The following PIR variants were observed in gnomAD, a reference collection of about 807,000 sequenced individuals.
The protein encoded by PIR is pirin (iron-binding nuclear protein).
In PIR, 22 loss-of-function variants were observed where a neutral mutation model predicts 24.2. The ratio of observed to expected loss-of-function variants is 0.91; its 90% CI spans 0.65 to 1.30. The LOEUF is 1.30. Ranked by LOEUF, PIR falls within the 50% of genes most tolerant of loss-of-function variation. The probability of loss-of-function intolerance (pLI) is 0.00; values close to 1 mark genes in which losing one functional copy is unlikely to be tolerated. For synonymous variants in PIR, 80 were observed against 79.6 expected (o/e 1.00, Z -0.03); for missense variants, 220 against 220.3 (o/e 1.00, Z 0.01).
chrX:15,473,211 T>C (rs1298512578), intron 3 of PIR, among the ~76,000 whole-genome samples: 8 of 111,957 alleles, frequency 7.1e-5, no homozygotes, highest in South Asian at 7.5e-4. Context: ...CAGAGGACAG[T>C]TGACAATGTC....
chrX:15,416,292 G>C (rs768973171), intron 6 of PIR, among the ~76,000 whole-genome samples: 1 of 111,631 alleles, frequency 9.0e-6, no homozygotes, highest in African/African-American at 3.3e-5. Context: ...GAATTAAATC[G>C]GCTTTTGCGT....
chrX:15,479,347 CTT>C (rs200727380), intron 3 of PIR, among the ~76,000 whole-genome samples: 1 of 98,962 alleles, frequency 1.0e-5, no homozygotes. Flanking sequence ...TTTTTTCTTT[CTT>C]TTTTTTTTTT....
chrX:15,451,703 T>G (rs1183228358), intron 5 of PIR, among the ~76,000 whole-genome samples: 1 of 112,393 alleles, frequency 8.9e-6, no homozygotes, highest in Non-Finnish European at 1.9e-5. Flanking sequence ...CACAGTGGTA[T>G]GATCTGAGTG....
chrX:15,478,086 AT>A (rs1208749248), intron 3 of PIR, among the ~76,000 whole-genome samples: 10 of 106,439 alleles, frequency 9.4e-5, no homozygotes, highest in African/African-American at 3.4e-4. Flanking sequence ...TTTATTTAAT[AT>A]ATTCATTGTC....
At chrX:15,460,123 G>A (rs1021098060) in intron 3 of PIR, among the ~76,000 whole-genome samples, 7 of 111,537 alleles carry the variant, frequency 6.3e-5, no homozygotes, top group Non-Finnish European at 1.1e-4. Flanking sequence ...GGAGAAAAGG[G>A]AATCCTTATA....
intron 5 of PIR, among the ~76,000 whole-genome samples, chrX:15,431,396 A>C (rs777861599): frequency 1.2e-4 from 13 of 112,053 alleles, no homozygotes; most frequent in African/African-American, 3.6e-4. Flanking sequence ...GCCAAAAGCA[A>C]ATTGTTCAAC....
intron 9 of PIR, among the ~76,000 whole-genome samples, chrX:15,387,329 T>G: frequency 9.1e-6 from 1 of 109,309 alleles, no homozygotes; most frequent in East Asian, 2.9e-4. Context: ...ACTCCTGACC[T>G]CAAGTGATCT....
intron 3 of PIR, among the ~76,000 whole-genome samples, chrX:15,471,387 T>C (rs73193790): frequency 1.1e-4 from 12 of 112,108 alleles, no homozygotes; most frequent in Non-Finnish European, 2.1e-4. Context: ...AGGCTAAAGA[T>C]GGTTTTATTT....
intron 8 of PIR, among the ~76,000 whole-genome samples, chrX:15,394,823 A>G (rs1008977994): frequency 8.9e-6 from 1 of 112,239 alleles, no homozygotes; most frequent in Non-Finnish European, 1.9e-5. Flanking sequence ...AAGATGGAAC[A>G]GGGAAACCTG....
chrX:15,413,757 A>G (rs1294880606), intron 6 of PIR, among the ~76,000 whole-genome samples: 1 of 112,411 alleles, frequency 8.9e-6, no homozygotes, highest in East Asian at 2.8e-4. Context: ...TATACACATC[A>G]AAACACTTGA....
chrX:15,429,227 C>A (rs1925420203), intron 5 of PIR: 1 of 111,999 alleles, frequency 8.9e-6, no homozygotes, highest in African/African-American at 3.3e-5. Flanking sequence ...ACTACACAGG[C>A]ACAAGCACAC....
Position 15,488,321 on chromosome X carries a change from A to T in PIR, c.96+2841T>A, listed in dbSNP as rs530977459. Among the ~76,000 whole-genome samples the T allele has an allele frequency of 2.6e-4, 25 of 95,221 alleles. No individual in the cohort carries two copies. The South Asian group carries it at 0.01, about 38-fold the overall frequency. 82.7% of individuals were successfully genotyped at this position (95,221 alleles called of 115,157 possible). ...AAAAAGAAAAGAAAGAAAAAGAAAA[A>T]GAAAGAAAAGTAATCTCTTGATGTT... On this transcript the variant is annotated intron_variant, in intron 2 of 9. Coordinates refer to ENST00000380420, the MANE Select transcript of PIR (RefSeq NM_001018109.3).
intron 7 of PIR, among the ~76,000 whole-genome samples, chrX:15,405,086 T>G (rs1924513781): frequency 9.0e-6 from 1 of 111,532 alleles, no homozygotes; most frequent in Non-Finnish European, 1.9e-5. Context: ...GCAGAGCATT[T>G]CACTTGTTAA....
intron 3 of PIR, among the ~76,000 whole-genome samples, chrX:15,467,418 G>A (rs1357112680): frequency 2.7e-5 from 3 of 112,558 alleles, no homozygotes; most frequent in South Asian, 7.3e-4. Context: ...TGCAATAGGA[G>A]CCAGAACTGC....
At chrX:15,451,061 C>A (rs1259325406) in intron 5 of PIR, among the ~76,000 whole-genome samples, 1 of 111,547 alleles carries the variant, frequency 9.0e-6, no homozygotes, top group Non-Finnish European at 1.9e-5. Context: ...CTTGTCAACC[C>A]ACAACCAACA....
At position 15,479,712 on chromosome X, in the gene PIR, C is replaced by G; in HGVS notation, c.189+17G>C. 1 of 927,590 alleles carries G rather than the reference C, an allele frequency of 1.1e-6. No individual in the cohort carries two copies. Among genetic ancestry groups the G allele is most frequent in the East Asian group, 3.2e-5 (1 of 31,032 alleles). The allele number at this position is 927,590 out of a possible 1,213,427, so 76.4% of individuals were successfully genotyped here. The stretch of plus-strand genomic sequence containing the variant: ...GTTTCAAAATACACACTTCTGCAGT[C>G]AAATTATTGTACTTACTGTTTCAAA... On this transcript the variant is annotated intron_variant, in intron 3 of 9. Transcript: ENST00000380420.
At chrX:15,467,713 C>A (rs750394536) in intron 3 of PIR, among the ~76,000 whole-genome samples, 5 of 111,677 alleles carry the variant, frequency 4.5e-5, no homozygotes, top group Non-Finnish European at 7.5e-5. Flanking sequence ...TATTTTTTTA[C>A]GTTGTTCCCA....
At chrX:15,482,907 C>A (rs959659937) in intron 2 of PIR, among the ~76,000 whole-genome samples, 2 of 110,638 alleles carry the variant, frequency 1.8e-5, no homozygotes, top group South Asian at 7.5e-4. Context: ...TTAAAGTATT[C>A]ATTCGATTAC....
intron 5 of PIR, among the ~76,000 whole-genome samples, chrX:15,443,484 A>G (rs963954611): frequency 3.6e-5 from 4 of 111,386 alleles, no homozygotes; most frequent in African/African-American, 1.3e-4. Flanking sequence ...ATTACTCTTT[A>G]TTATAATTCA....
Sources: gnomAD v4.1 joint callset for allele counts (sites outside exome capture counted in the v4.1 genomes callset) on GRCh38, gnomAD v4.1.1 for gene constraint, MANE v1.5 for transcripts, NCBI Gene and HGNC (gene_info 2026-07-23, HGNC 2026-07-21) for gene names.